The following CYP11A1 variants were observed in gnomAD, a reference collection of about 807,000 sequenced individuals.
The protein encoded by CYP11A1 is cytochrome P450 family 11 subfamily A member 1.
Under a neutral mutation model 51.9 loss-of-function variants are expected in CYP11A1, and 25 were observed. The ratio of observed to expected loss-of-function variants is 0.48; its 90% CI spans 0.35 to 0.67. The LOEUF (loss-of-function observed/expected upper bound fraction) is 0.67, where lower values mean the gene tolerates loss of function less well. Ranked by LOEUF, CYP11A1 falls within the 30% of genes least tolerant of loss-of-function variation. The pLI is 0.00. For synonymous variants in CYP11A1, 245 were observed against 262.1 expected (o/e 0.93, Z 0.63); for missense variants, 578 against 680.9 (o/e 0.85, Z 1.68).
chr15:74,367,194 A>AG lies in CYP11A1; in HGVS notation c.269+122_269+123insC, dbSNP rs111659311. On this transcript the variant is annotated intron_variant, in intron 1 of 8. Coordinates refer to ENST00000268053, the MANE Select transcript of CYP11A1 (RefSeq NM_000781.3). ...TTGTATTACCAAAAAAAAAAAAAAA[A>AG]AAGAAGTTAGACAGGAGTTTGGAAC... 5,905 of 971,230 alleles carry AG rather than the reference A, an allele frequency of 6.1e-3. 14 individuals are homozygous for AG. The highest frequency in any genetic ancestry group is 0.017 in the East Asian group (639 of 36,780). The allele number at this position is 971,230 out of a possible 1,614,324, so 60.2% of individuals were successfully genotyped here. A position where few individuals can be genotyped will look rare whatever the true frequency, so the allele number is the denominator to read the frequency against.
At chr15:74,341,045 A>G (rs1402117127) in intron 5 of CYP11A1, among the ~76,000 whole-genome samples, 2 of 152,206 alleles carry the variant, frequency 1.3e-5, no homozygotes, top group Non-Finnish European at 2.9e-5. Context: ...ATAGAGATGT[A>G]CTTGGGATTT....
chr15:74,351,795 T>C (rs140274563), intron 1 of CYP11A1, among the ~76,000 whole-genome samples: 38 of 152,360 alleles, frequency 2.5e-4, no homozygotes, highest in African/African-American at 8.9e-4. Context: ...TCCAGGCTTT[T>C]GTGCTGCAGC....
intron 1 of CYP11A1, among the ~76,000 whole-genome samples, chr15:74,350,012 A>G (rs2060648679): frequency 6.6e-6 from 1 of 152,120 alleles, no homozygotes; most frequent in South Asian, 2.1e-4. Flanking sequence ...AATAAACGAA[A>G]CGAGATCTTT....
At chr15:74,364,948 T>C (rs1331187915) in intron 1 of CYP11A1, among the ~76,000 whole-genome samples, 2 of 152,006 alleles carry the variant, frequency 1.3e-5, no homozygotes, top group Non-Finnish European at 1.5e-5. Context: ...AAGGGGCAGT[T>C]TGGACTTTAA....
At chr15:74,361,519 G>C in intron 1 of CYP11A1, 1 of 601,026 alleles carries the variant, frequency 1.7e-6, no homozygotes, top group South Asian at 1.7e-5. Flanking sequence ...TGCAGATGCC[G>C]TCACTGCCAC....
At chr15:74,361,699 G>T in intron 1 of CYP11A1, 2 of 1,236,228 alleles carry the variant, frequency 1.6e-6, no homozygotes, top group Non-Finnish European at 2.4e-6. Flanking sequence ...GGTTATAAGG[G>T]TTCCTGCTTT....
At chr15:74,366,237 T>G in intron 1 of CYP11A1, 2 of 984,514 alleles carry the variant, frequency 2.0e-6, no homozygotes, top group Non-Finnish European at 2.4e-6. Context: ...CGCTGCGACC[T>G]TTTCACTCTG....
intron 3 of CYP11A1, chr15:74,344,768 G>A: frequency 2.0e-6 from 1 of 491,720 alleles, no homozygotes; most frequent in Non-Finnish European, 3.7e-6. Context: ...TGGCAATAGG[G>A]ACCTGTACTT....
At chr15:74,346,151 GAGACC>G (rs904407288) in intron 2 of CYP11A1, among the ~76,000 whole-genome samples, 1 of 152,022 alleles carries the variant, frequency 6.6e-6, no homozygotes, top group African/African-American at 2.4e-5. Context: ...TCAGGAGTTC[GAGACC>G]AGCCTGGCCA....
intron 2 of CYP11A1, among the ~76,000 whole-genome samples, 189 bp downstream of exon 2, chr15:74,347,711 T>TTCATCA (rs371547447): frequency 2.6e-5 from 4 of 151,956 alleles, no homozygotes; most frequent in Admixed American, 1.3e-4. Context: ...GGCAGAGCAA[T>TTCATCA]TCATCATCAT....
chr15:74,338,538 C>G, intron 8 of CYP11A1, 33 bp downstream of exon 8: 1 of 1,610,592 alleles, frequency 6.2e-7, no homozygotes, highest in Non-Finnish European at 8.5e-7. Flanking sequence ...CAGGGCCAGC[C>G]CAGGGTGCCT....
Position 74,367,351 on chromosome 15 carries a change from C to T in CYP11A1, c.235G>A (p.Val79Ile), listed in dbSNP as rs143655263. Reference protein sequence around the residue: ...TGTHKVHLHHVQNFQKYGPIY... With the variant: ...TGTHKVHLHHIQNFQKYGPIY... ...GGGCCATACTTCTGGAAATTCTGGA[C>T]ATGGTGAAGGTGGACTTTGTGTGTG... The change falls in exon 1 of 9, where the codon GTC (valine) becomes ATC (isoleucine). Residue 79 changes from valine to isoleucine, a missense_variant. By Grantham distance (29) the Val-to-Ile change is conservative. Transcript: ENST00000268053. 5.0e-3 allele frequency: 8,004 copies of T among 1,614,158 alleles called. 25 individuals are homozygous for T. Among genetic ancestry groups the T allele is most frequent in the Non-Finnish European group, 6.2e-3 (7,319 of 1,180,038 alleles).
rs78261945 is a variant in CYP11A1, at chr15:74,351,325, A to T, written c.270-3270T>A. ...CCCCAAAGCGGGAGGGACTTTTTTT[A>T]AAAATCTTTTTTGCCTATGGTTCCT... On this transcript the variant is annotated intron_variant, in intron 1 of 8. Coordinates refer to ENST00000268053, the MANE Select transcript of CYP11A1 (RefSeq NM_000781.3). Among the ~76,000 whole-genome samples, 1,021 of 152,228 alleles carry T rather than the reference A, an allele frequency of 6.7e-3. 10 individuals are homozygous for T. The highest frequency in any genetic ancestry group is 0.023 in the African/African-American group (947 of 41,492).
At chr15:74,355,773 T>C (rs1031742245) in intron 1 of CYP11A1, among the ~76,000 whole-genome samples, 3 of 152,268 alleles carry the variant, frequency 2.0e-5, no homozygotes, top group Non-Finnish European at 4.4e-5. Flanking sequence ...TGCTCCTTTT[T>C]CTTTATCCGA....
chr15:74,359,781 G>C (rs549078476), intron 1 of CYP11A1, among the ~76,000 whole-genome samples: 3 of 152,292 alleles, frequency 2.0e-5, no homozygotes, highest in Admixed American at 1.3e-4. Flanking sequence ...AGGGACACGC[G>C]TGAAAGAGAG....
At chr15:74,347,564 C>T (rs1210473760) in intron 2 of CYP11A1, among the ~76,000 whole-genome samples, 3 of 152,188 alleles carry the variant, frequency 2.0e-5, no homozygotes, top group Non-Finnish European at 4.4e-5. Context: ...CACTGTATCT[C>T]CAGTTCCTGG....
At chr15:74,359,779 G>A (rs1010547913) in intron 1 of CYP11A1, among the ~76,000 whole-genome samples, 3 of 152,214 alleles carry the variant, frequency 2.0e-5, no homozygotes, top group South Asian at 2.1e-4. Context: ...ACAGGGACAC[G>A]CGTGAAAGAG....
intron 5 of CYP11A1, among the ~76,000 whole-genome samples, chr15:74,341,357 G>A (rs951763753): frequency 6.6e-6 from 1 of 152,190 alleles, no homozygotes; most frequent in African/African-American, 2.4e-5. Flanking sequence ...GGCTCCATTT[G>A]CAGTCTGTCT....
chr15:74,350,204 G>T (rs761462994), intron 1 of CYP11A1: 24 of 313,348 alleles, frequency 7.7e-5, no homozygotes, highest in Middle Eastern at 3.9e-4. Context: ...GGAATTGATT[G>T]TATCTGACTT....
Sources: gnomAD v4.1 joint callset for allele counts (sites outside exome capture counted in the v4.1 genomes callset) on GRCh38, gnomAD v4.1.1 for gene constraint, MANE v1.5 for transcripts, NCBI Gene and HGNC (gene_info 2026-07-23, HGNC 2026-07-21) for gene names.